The following LYRM4 variants were observed in gnomAD, a reference collection of about 807,000 sequenced individuals.
LYRM4 encodes LYR motif containing 4, also known as LYR motif-containing protein 4.
LYRM4 carries 9 observed loss-of-function variants against 11.7 expected under a neutral mutation model. The observed-to-expected ratio is 0.77, with a 90% CI of 0.46 to 1.34. The LOEUF (loss-of-function observed/expected upper bound fraction) is 1.34. Among genes scored for constraint, LYRM4 ranks in the 40% most tolerant of loss-of-function variants. LYRM4 has a pLI of 0.00. For missense variants in LYRM4, 133 were observed against 112.5 expected, an observed-to-expected ratio of 1.18 and a Z score of -0.82; for synonymous variants, 42 against 40.4, an observed-to-expected ratio of 1.04 and a Z score of -0.15.
rs192332023 is a variant in LYRM4 at position 5,150,262 on chromosome 6, C to T, written c.208-40771G>A. On this transcript the variant is annotated intron_variant, in intron 2 of 2. Coordinates refer to ENST00000330636, the MANE Select transcript of LYRM4 (RefSeq NM_020408.6). Reference sequence around the variant, plus strand: ...TATTCTCAAAGTTTCTAATGGCAAACGAATAAACAGAGAAACCAACCATAT... The same window carrying T: ...TATTCTCAAAGTTTCTAATGGCAAATGAATAAACAGAGAAACCAACCATAT... Among the ~76,000 whole-genome samples, 8 of 152,322 alleles carry T rather than the reference C, an allele frequency of 5.3e-5. No individual in the cohort carries two copies. The East Asian group carries it at 7.7e-4, about 15-fold the overall frequency.
chr6:5,170,819 G>A (rs1334155070), intron 2 of LYRM4, among the ~76,000 whole-genome samples: 1 of 152,162 alleles, frequency 6.6e-6, no homozygotes, highest in Non-Finnish European at 1.5e-5. Flanking sequence ...CTATCCTAGT[G>A]AACAAAGATA....
intron 2 of LYRM4, among the ~76,000 whole-genome samples, chr6:5,120,428 G>A (rs1372395552): frequency 6.6e-6 from 1 of 152,186 alleles, no homozygotes; most frequent in East Asian, 1.9e-4. Context: ...CTGACTTCAG[G>A]AATGAAGCCA....
intron 1 of LYRM4, among the ~76,000 whole-genome samples, chr6:5,234,572 G>A (rs34041880): frequency 0.049 from 7,472 of 152,280 alleles, 603 homozygotes; most frequent in African/African-American, 0.16. Context: ...TGTCTTTGAA[G>A]GATGAATAGA....
At chr6:5,114,646 T>C (rs368980779) in intron 2 of LYRM4, among the ~76,000 whole-genome samples, 2 of 152,040 alleles carry the variant, frequency 1.3e-5, no homozygotes, top group South Asian at 4.2e-4. Flanking sequence ...AAATCAGGGG[T>C]GTCCAATCTT....
chr6:5,213,986 G>C (rs886245421), intron 2 of LYRM4, among the ~76,000 whole-genome samples: 1 of 152,240 alleles, frequency 6.6e-6, no homozygotes, highest in Non-Finnish European at 1.5e-5. Flanking sequence ...TAAATATCTT[G>C]CTCAGAGTGA....
At chr6:5,250,812 A>G (rs1409557627) in intron 1 of LYRM4, among the ~76,000 whole-genome samples, 2 of 152,378 alleles carry the variant, frequency 1.3e-5, no homozygotes, top group African/African-American at 4.8e-5. Context: ...ATGTTCTTAC[A>G]TATGGTATAA....
At chr6:5,147,672 TCA>T (rs1052272781) in intron 2 of LYRM4, among the ~76,000 whole-genome samples, 6 of 152,298 alleles carry the variant, frequency 3.9e-5, no homozygotes, top group African/African-American at 1.4e-4. Context: ...ATACTAAAAT[TCA>T]CATTCAGAAA....
At chr6:5,165,849 G>C (rs1192021532) in intron 2 of LYRM4, among the ~76,000 whole-genome samples, 1 of 152,124 alleles carries the variant, frequency 6.6e-6, no homozygotes, top group Non-Finnish European at 1.5e-5. Flanking sequence ...GGCCACAAAT[G>C]CAAGTTTATA....
At chr6:5,130,285 A>G (rs1214074608) in intron 2 of LYRM4, among the ~76,000 whole-genome samples, 1 of 151,714 alleles carries the variant, frequency 6.6e-6, no homozygotes, top group Non-Finnish European at 1.5e-5. Flanking sequence ...GTGGGCCTGG[A>G]GGAGACGTGT....
chr6:5,035,457 T>A, the LYRM4 span, among the ~76,000 whole-genome samples: 4 of 149,426 alleles, frequency 2.7e-5, no homozygotes. Context: ...TGGCTCAGCG[T>A]GCATCGCAGC....
chr6:5,201,021 T>C (rs976707736), intron 2 of LYRM4, among the ~76,000 whole-genome samples: 1 of 152,184 alleles, frequency 6.6e-6, no homozygotes, highest in African/African-American at 2.4e-5. Flanking sequence ...TTAAGATTAA[T>C]TTTTCATTTT....
At chr6:5,190,338 T>G (rs528119178) in intron 2 of LYRM4, among the ~76,000 whole-genome samples, 4 of 152,172 alleles carry the variant, frequency 2.6e-5, no homozygotes, top group Non-Finnish European at 5.9e-5. Context: ...GATGGATGGA[T>G]GTATTTTAGC....
intron 2 of LYRM4, among the ~76,000 whole-genome samples, chr6:5,166,969 C>T (rs1581420962): frequency 6.6e-6 from 1 of 152,174 alleles, no homozygotes; most frequent in Non-Finnish European, 1.5e-5. Context: ...ATCCTCCTGC[C>T]TCAGCCTCCC....
rs868857950 is a variant in LYRM4, at chr6:5,117,005, G to A, written c.208-7514C>T. On this transcript the variant is annotated intron_variant, in intron 2 of 2. Coordinates refer to ENST00000330636, the MANE Select transcript of LYRM4 (RefSeq NM_020408.6). ...GGAGTGGGTGGGGAAGGTGGGGAACGGATGCAGCCCTGGGCTGGAATCCCT... is the reference window on the plus strand; with the variant it reads ...GGAGTGGGTGGGGAAGGTGGGGAACAGATGCAGCCCTGGGCTGGAATCCCT... Among the ~76,000 whole-genome samples the A allele has an allele frequency of 3.3e-5, 5 of 152,302 alleles. No homozygotes were observed. In the East Asian group the frequency reaches 9.7e-4, roughly 29 times the overall value.
chr6:5,222,277 C>T (rs1005289398), intron 1 of LYRM4, among the ~76,000 whole-genome samples: 1 of 151,974 alleles, frequency 6.6e-6, no homozygotes, highest in Non-Finnish European at 1.5e-5. Context: ...AAGAAAAGTA[C>T]CAATAACCAA....
intron 2 of LYRM4, among the ~76,000 whole-genome samples, chr6:5,146,844 G>A (rs897277411): frequency 1.3e-5 from 2 of 152,224 alleles, no homozygotes; most frequent in Admixed American, 1.3e-4. Context: ...AGGCCGGTCT[G>A]TGGGCAGACA....
intron 2 of LYRM4, among the ~76,000 whole-genome samples, chr6:5,127,650 T>C (rs544580464): frequency 6.6e-6 from 1 of 152,350 alleles, no homozygotes; most frequent in Non-Finnish European, 1.5e-5. Context: ...TTTGTATTGC[T>C]TAAATGACAA....
chr6:5,144,085 T>A, intron 2 of LYRM4: 1 of 1,503,208 alleles, frequency 6.7e-7, no homozygotes, highest in Non-Finnish European at 8.9e-7. Context: ...AAGAAATGCT[T>A]AGAGAGGTGA....
chr6:5,069,363 G>A, the LYRM4 span, among the ~76,000 whole-genome samples: 1 of 137,166 alleles, frequency 7.3e-6, no homozygotes, highest in Non-Finnish European at 1.6e-5. Flanking sequence ...ACATCTACAT[G>A]TTAACATAAA....
Sources: gnomAD v4.1 joint callset for allele counts (sites outside exome capture counted in the v4.1 genomes callset) on GRCh38, gnomAD v4.1.1 for gene constraint, MANE v1.5 for transcripts, NCBI Gene and HGNC (gene_info 2026-07-23, HGNC 2026-07-21) for gene names.